Variants in TMEM63C observed in about 807,000 individuals in gnomAD.
TMEM63C encodes the protein transmembrane protein 63C.
A neutral mutation model predicts 99.2 loss-of-function variants in TMEM63C; 32 were observed. That is an observed-to-expected ratio of 0.32 (90% CI 0.24 to 0.43). TMEM63C has a LOEUF of 0.43. TMEM63C is among the 20% of genes least tolerant of loss of function. TMEM63C has a pLI of 1.00. For synonymous variants in TMEM63C, 376 were observed against 397.9 expected (o/e 0.94, Z 0.66); for missense variants, 826 against 1,053.0 (o/e 0.78, Z 2.98).
At chr14:77,236,927 T>C (rs1889071702) in intron 9 of TMEM63C, among the ~76,000 whole-genome samples, 195 bp downstream of exon 9, 1 of 150,536 alleles carries the variant, frequency 6.6e-6, no homozygotes, top group Non-Finnish European at 1.5e-5. Context: ...CCCCCACCTC[T>C]CACCCTTCTC....
chr14:77,221,837 T>G (rs1888729383), intron 5 of TMEM63C, among the ~76,000 whole-genome samples: 6 of 151,546 alleles, frequency 4.0e-5, no homozygotes. Flanking sequence ...CTGAAACGTC[T>G]GACCCTGTAG....
intron 5 of TMEM63C, among the ~76,000 whole-genome samples, chr14:77,220,833 T>C (rs1888680126): frequency 7.4e-6 from 1 of 135,180 alleles, no homozygotes; most frequent in Admixed American, 7.1e-5. Context: ...TGGCCCATGC[T>C]GCTGTCACCA....
chr14:77,185,782 T>C (rs754899853), intron 1 of TMEM63C, among the ~76,000 whole-genome samples: 1 of 152,176 alleles, frequency 6.6e-6, no homozygotes, highest in Non-Finnish European at 1.5e-5. Flanking sequence ...GGAGCTGCGT[T>C]CCCACCTATT....
At chr14:77,233,565 A>G in intron 8 of TMEM63C, 65 bp downstream of exon 8, 1 of 1,559,052 alleles carries the variant, frequency 6.4e-7, no homozygotes, top group Non-Finnish European at 8.8e-7. Context: ...AGGAGGTCTA[A>G]CATGTCAGTT....
intron 1 of TMEM63C, among the ~76,000 whole-genome samples, chr14:77,191,694 G>A (rs948319702): frequency 2.0e-5 from 3 of 151,802 alleles, no homozygotes; most frequent in Admixed American, 1.3e-4. Flanking sequence ...ACAGGCATGC[G>A]CCACCAAGCC....
Position 77,244,355 on chromosome 14 carries a change from A to G in TMEM63C, c.1348A>G (p.Ile450Val), listed in dbSNP as rs570674323. ...TRPIEKLQNP[I>V]VTQFFPSVML... is the part of the protein sequence containing the mutation. ...CTCCCCTCTCCCCCTGCAGAACCCA[A>G]TTGTGACCCAGTTCTTCCCCTCTGT... The change falls in exon 16 of 24, where the codon ATT (isoleucine) becomes GTT (valine). Residue 450 changes from isoleucine to valine, a missense_variant. Physicochemically the swap from Ile to Val is conservative, Grantham distance 29. Transcript: ENST00000298351. The G allele has an allele frequency of 8.1e-6, 13 of 1,613,414 alleles. No individual in the cohort carries two copies. The highest frequency in any genetic ancestry group is 6.7e-5 in the African/African-American group (5 of 74,882).
chr14:77,223,391 G>A (rs373433905), intron 5 of TMEM63C, among the ~76,000 whole-genome samples: 5 of 152,212 alleles, frequency 3.3e-5, no homozygotes, highest in African/African-American at 1.2e-4. Context: ...CCAGAGCCAG[G>A]TGGTGTGGGT....
At chr14:77,193,787 T>C (rs188066006) in intron 1 of TMEM63C, among the ~76,000 whole-genome samples, 21 of 151,542 alleles carry the variant, frequency 1.4e-4, no homozygotes, top group African/African-American at 4.8e-5. Flanking sequence ...TAAGCAGAGA[T>C]TGCGCCACTG....
chr14:77,210,617 C>T (rs963482052), intron 1 of TMEM63C, among the ~76,000 whole-genome samples: 1 of 152,060 alleles, frequency 6.6e-6, no homozygotes, highest in African/African-American at 2.4e-5. Context: ...TGAGAGTAAA[C>T]CTCACTGAGA....
At chr14:77,202,623 A>T (rs536930792) in intron 1 of TMEM63C, among the ~76,000 whole-genome samples, 55 of 152,174 alleles carry the variant, frequency 3.6e-4, no homozygotes, top group African/African-American at 1.2e-3. Context: ...CATGGCCTTC[A>T]TCTAAGGACA....
chr14:77,248,919 G>A (rs201308667), intron 20 of TMEM63C, 47 bp downstream of exon 20: 519 of 1,507,560 alleles, frequency 3.4e-4, no homozygotes, highest in Non-Finnish European at 4.2e-4. Flanking sequence ...TCCGCAGATG[G>A]GGAGGAGGAA....
At chr14:77,219,350 G>A (rs189219482) in intron 3 of TMEM63C, 148 bp from the exon 4 acceptor site, 13 of 732,404 alleles carry the variant, frequency 1.8e-5, no homozygotes, top group Middle Eastern at 3.3e-4. Context: ...GAAAGGAATG[G>A]CCCCTACTCC....
Position 77,220,574 on chromosome 14 carries a change from C to T in TMEM63C, c.312+487C>T, listed in dbSNP as rs1008444494. The stretch of plus-strand genomic sequence containing the variant: ...GTGAAGGCCAGCCCTCCACCCGACT[C>T]ATGCATTCCTTCAGCCACTTGCTGT... On this transcript the variant is annotated intron_variant, in intron 5 of 23. Coordinates refer to ENST00000298351, the MANE Select transcript of TMEM63C (RefSeq NM_020431.4). Among the ~76,000 whole-genome samples, 4 of 152,258 alleles carry T rather than the reference C, an allele frequency of 2.6e-5. No homozygotes were observed. In the East Asian group the frequency reaches 5.8e-4, roughly 22 times the overall value.
intron 1 of TMEM63C, among the ~76,000 whole-genome samples, chr14:77,196,519 G>A (rs1888217848): frequency 6.6e-6 from 1 of 152,218 alleles, no homozygotes; most frequent in Non-Finnish European, 1.5e-5. Context: ...TCTGTCCCCT[G>A]GAAATTCCCC....
chr14:77,208,977 CT>C (rs33985962), intron 1 of TMEM63C, among the ~76,000 whole-genome samples: 2,939 of 152,180 alleles, frequency 0.019, 95 homozygotes, highest in African/African-American at 0.068. Flanking sequence ...AACTGCAATC[CT>C]CTCACCCCAT....
chr14:77,183,635 G>A (rs750251281), intron 1 of TMEM63C, among the ~76,000 whole-genome samples: 9 of 152,224 alleles, frequency 5.9e-5, no homozygotes, highest in Non-Finnish European at 7.4e-5. Flanking sequence ...GGCCAGCACC[G>A]GTTTACTCCA....
At position 77,219,509 on chromosome 14, in the gene TMEM63C, G is replaced by C. The variant is rs1481972033; in HGVS notation, c.162G>C (p.Val54=). The part of the protein sequence containing the change: ...LNIALWVLVL[V]VYSFLRKAAW... ...TTCCTGGCCTGTAGCTCGTCCTTGT[G>C]GTTTACTCCTTCCTCCGGAAAGCTG... The change falls in exon 4 of 24, where the codon GTG becomes GTC. Residue 54 remains valine, a synonymous_variant. Coordinates refer to ENST00000298351, the MANE Select transcript of TMEM63C (RefSeq NM_020431.4). 6.2e-7 allele frequency: 1 copy of C among 1,613,944 alleles called. No individual in the cohort carries two copies. Among genetic ancestry groups the C allele is most frequent in the Admixed American group, 1.7e-5 (1 of 60,024 alleles).
rs549216190 is a variant in TMEM63C at position 77,231,810 on chromosome 14, G to A, written c.493+80G>A. 1.2e-4 allele frequency: 174 copies of A among 1,472,890 alleles called. 1 individual carries two copies. In the African/African-American group the frequency reaches 2.1e-3, roughly 18 times the overall value. The allele number at this position is 1,472,890 out of a possible 1,614,324, so 91.2% of individuals were successfully genotyped here. On this transcript the variant is annotated intron_variant, in intron 7 of 23. Transcript: ENST00000298351. The stretch of plus-strand genomic sequence containing the variant: ...GCAAGCCAGTCAGGGCTGGGGTTGA[G>A]GGTCTAGACATCTATTTTAATCCTG...
chr14:77,222,291 C>T (rs921557521), intron 5 of TMEM63C, among the ~76,000 whole-genome samples: 5 of 152,164 alleles, frequency 3.3e-5, no homozygotes, highest in Admixed American at 3.3e-4. Flanking sequence ...TACCCAGGTC[C>T]CCAAGCATAG....
Sources: gnomAD v4.1 joint callset for allele counts (sites outside exome capture counted in the v4.1 genomes callset) on GRCh38, gnomAD v4.1.1 for gene constraint, MANE v1.5 for transcripts, NCBI Gene and HGNC (gene_info 2026-07-23, HGNC 2026-07-21) for gene names.